ZNF804A: variants seen among roughly 807,000 people sequenced by gnomAD.
ZNF804A encodes zinc finger protein 804A.
In ZNF804A, 2 loss-of-function variants were observed where a neutral mutation model predicts 16.5. The observed-to-expected ratio is 0.12, with a 90% CI of 0.05 to 0.38. The LOEUF (loss-of-function observed/expected upper bound fraction) is 0.38. Among genes scored for constraint, ZNF804A ranks in the 10% least tolerant of loss-of-function variants. The pLI, the probability that ZNF804A is intolerant of heterozygous loss-of-function variation, is 0.99. For synonymous variants in ZNF804A, 534 were observed against 489.6 expected, an observed-to-expected ratio of 1.09 and a Z score of -1.20; for missense variants, 1,473 against 1,390.7, an observed-to-expected ratio of 1.06 and a Z score of -0.94.
intron 1 of ZNF804A, among the ~76,000 whole-genome samples, chr2:184,619,388 G>A (rs1691382825): frequency 6.6e-6 from 1 of 151,772 alleles, no homozygotes; most frequent in African/African-American, 2.4e-5. Context: ...AATAGAATTG[G>A]ATCATTTTAA....
At chr2:184,768,612 A>G (rs954813613) in intron 1 of ZNF804A, among the ~76,000 whole-genome samples, 1 of 152,068 alleles carries the variant, frequency 6.6e-6, no homozygotes, top group Non-Finnish European at 1.5e-5. Flanking sequence ...AGTATTTTTA[A>G]GAATTTTTCA....
chr2:184,737,150 G>A (rs764081698), intron 1 of ZNF804A, among the ~76,000 whole-genome samples: 4 of 151,214 alleles, frequency 2.6e-5, no homozygotes, highest in Non-Finnish European at 4.4e-5. Flanking sequence ...TCCACCTCCT[G>A]GGTTCACGCC....
chr2:184,809,630 A>T (rs1177521809), intron 1 of ZNF804A, among the ~76,000 whole-genome samples: 1 of 151,910 alleles, frequency 6.6e-6, no homozygotes, highest in Non-Finnish European at 1.5e-5. Context: ...ATATGTATGC[A>T]TTTAGTATAT....
At chr2:184,799,419 G>C (rs1694688696) in intron 1 of ZNF804A, among the ~76,000 whole-genome samples, 2 of 152,078 alleles carry the variant, frequency 1.3e-5, no homozygotes, top group Non-Finnish European at 2.9e-5. Flanking sequence ...TTTGCATTAT[G>C]TACCTGAAAT....
intron 1 of ZNF804A, among the ~76,000 whole-genome samples, chr2:184,712,852 C>A (rs1693151083): frequency 6.6e-6 from 1 of 151,666 alleles, no homozygotes; most frequent in Non-Finnish European, 1.5e-5. Flanking sequence ...CAGAGTTTCT[C>A]TTTGCTTCTT....
chr2:184,871,623 T>G (rs1369378181), intron 2 of ZNF804A, among the ~76,000 whole-genome samples: 1 of 151,770 alleles, frequency 6.6e-6, no homozygotes, highest in Non-Finnish European at 1.5e-5. Context: ...GAATGAAAAG[T>G]TTAAATTAGT....
chr2:184,729,344 T>G (rs1693474230), intron 1 of ZNF804A, among the ~76,000 whole-genome samples: 1 of 151,876 alleles, frequency 6.6e-6, no homozygotes, highest in African/African-American at 2.4e-5. Flanking sequence ...AAAATGTTAC[T>G]TCCTGAAATT....
At chr2:184,870,839 G>A (rs1023566404) in intron 2 of ZNF804A, among the ~76,000 whole-genome samples, 2 of 151,810 alleles carry the variant, frequency 1.3e-5, no homozygotes, top group African/African-American at 4.8e-5. Context: ...AGATGAATGA[G>A]TTATTCGAAC....
chr2:184,782,313 C>T (rs866353657), intron 1 of ZNF804A, among the ~76,000 whole-genome samples: 3 of 151,356 alleles, frequency 2.0e-5, no homozygotes, highest in Admixed American at 1.3e-4. Context: ...GGTGTGTCTA[C>T]GAAGGTGTTG....
At chr2:184,742,613 T>C (rs1574190423) in intron 1 of ZNF804A, among the ~76,000 whole-genome samples, 1 of 152,060 alleles carries the variant, frequency 6.6e-6, no homozygotes, top group Non-Finnish European at 1.5e-5. Context: ...TCACATTGAA[T>C]TTAACTGCCT....
At chr2:184,791,447 G>T (rs1195662602) in intron 1 of ZNF804A, among the ~76,000 whole-genome samples, 1 of 152,090 alleles carries the variant, frequency 6.6e-6, no homozygotes. Context: ...AAGCTTCTTG[G>T]CTAGTATTTT....
intron 1 of ZNF804A, among the ~76,000 whole-genome samples, chr2:184,613,316 C>G (rs143505424): frequency 6.6e-6 from 1 of 152,244 alleles, no homozygotes; most frequent in Non-Finnish European, 1.5e-5. Flanking sequence ...CTCGCTGTCT[C>G]ACTACACACC....
chr2:184,775,181 A>G (rs1694268796), intron 1 of ZNF804A, among the ~76,000 whole-genome samples: 1 of 151,698 alleles, frequency 6.6e-6, no homozygotes, highest in Admixed American at 6.6e-5. Flanking sequence ...ATTAGTTTTA[A>G]GATCTTAGGA....
chr2:184,873,652 T>C (rs1157147356), intron 2 of ZNF804A, among the ~76,000 whole-genome samples: 1 of 152,218 alleles, frequency 6.6e-6, no homozygotes, highest in Non-Finnish European at 1.5e-5. Context: ...AGTATTATGA[T>C]TTTATTGTAG....
At chr2:184,787,713 C>G (rs777609222) in intron 1 of ZNF804A, among the ~76,000 whole-genome samples, 1 of 151,458 alleles carries the variant, frequency 6.6e-6, no homozygotes, top group African/African-American at 2.4e-5. Flanking sequence ...GTGCCTTTCT[C>G]GTTGACTTCT....
chr2:184,915,494 C>G (rs4666998), intron 2 of ZNF804A, among the ~76,000 whole-genome samples: 84,711 of 151,838 alleles, frequency 0.56, 24,690 homozygotes, highest in East Asian at 0.84. Context: ...CCAATGTTTT[C>G]TTAGCAAATT....
At chr2:184,691,499 G>T (rs1261011063) in intron 1 of ZNF804A, among the ~76,000 whole-genome samples, 5 of 151,080 alleles carry the variant, frequency 3.3e-5, no homozygotes, top group Non-Finnish European at 5.9e-5. Flanking sequence ...TGGCTTCTTT[G>T]TTGAGACAAA....
At chr2:184,703,689 CAAAAAAAAAAA>C (rs10593157) in intron 1 of ZNF804A, among the ~76,000 whole-genome samples, 3 of 56,466 alleles carry the variant, frequency 5.3e-5, no homozygotes, top group Admixed American at 2.8e-4. Flanking sequence ...GACTCCGGTT[CAAAAAAAAAAA>C]AAAAAAAAAA....
intron 1 of ZNF804A, among the ~76,000 whole-genome samples, chr2:184,707,874 A>G (rs909255525): frequency 3.3e-5 from 5 of 152,258 alleles, no homozygotes; most frequent in South Asian, 4.1e-4. Context: ...ACTGCTTTCC[A>G]CAGTGGCTGA....
Sources: gnomAD v4.1 joint callset for allele counts (sites outside exome capture counted in the v4.1 genomes callset) on GRCh38, gnomAD v4.1.1 for gene constraint, MANE v1.5 for transcripts, NCBI Gene and HGNC (gene_info 2026-07-23, HGNC 2026-07-21) for gene names.